The following PLXNA4 variants were observed in gnomAD, a reference collection of about 807,000 sequenced individuals.
PLXNA4 encodes plexin A4.
A neutral mutation model predicts 191.8 loss-of-function variants in PLXNA4; 44 were observed. The ratio of observed to expected loss-of-function variants is 0.23; its 90% CI spans 0.18 to 0.29. The LOEUF is 0.29. Ranked by LOEUF, PLXNA4 falls within the 10% of genes least tolerant of loss-of-function variation. The pLI, the probability that PLXNA4 is intolerant of heterozygous loss-of-function variation, is 1.00. For missense variants in PLXNA4, 1,800 were observed against 2,488.8 expected (o/e 0.72, Z 5.89); for synonymous variants, 1,082 against 1,009.5 (o/e 1.07, Z -1.36).
chr7:132,463,600 T>C (rs1796595852), intron 3 of PLXNA4, among the ~76,000 whole-genome samples: 2 of 152,196 alleles, frequency 1.3e-5, no homozygotes, highest in Admixed American at 1.3e-4. Context: ...TCCCTAATAA[T>C]AATGTGTCCC....
At chr7:132,405,458 G>A (rs1794181234) in intron 3 of PLXNA4, among the ~76,000 whole-genome samples, 1 of 152,100 alleles carries the variant, frequency 6.6e-6, no homozygotes, top group African/African-American at 2.4e-5. Context: ...CAACTTCCCT[G>A]GTCTTCAAGA....
chr7:132,176,645 T>A (rs1342249174), intron 20 of PLXNA4, among the ~76,000 whole-genome samples: 1 of 151,998 alleles, frequency 6.6e-6, no homozygotes, highest in Non-Finnish European at 1.5e-5. Flanking sequence ...AGTGAGTGTG[T>A]AGGCATGTGC....
intron 13 of PLXNA4, among the ~76,000 whole-genome samples, chr7:132,195,172 GATATATGTGTTTTTTTAAA>G (rs1797217537): frequency 1.4e-5 from 2 of 147,972 alleles, no homozygotes; most frequent in Non-Finnish European, 3.0e-5. Context: ...CGTAAGGAAA[GATATATGTGTTTTTTTAAA>G]ATAAAAGCAA....
intron 3 of PLXNA4, among the ~76,000 whole-genome samples, chr7:132,412,843 G>A (rs1794513986): frequency 6.6e-6 from 1 of 152,122 alleles, no homozygotes; most frequent in Non-Finnish European, 1.5e-5. Flanking sequence ...AGGGCCTGGA[G>A]CACCGGGGAG....
At chr7:132,226,321 G>T in intron 7 of PLXNA4, 61 bp from the exon 8 acceptor site, 1 of 1,417,572 alleles carries the variant, frequency 7.1e-7, no homozygotes, top group Middle Eastern at 2.4e-4. Context: ...GGGATTCCCT[G>T]ACCAGTGACA....
At chr7:132,146,746 CCTTAGCCCATCA>C (rs1314591629) in intron 27 of PLXNA4, 46 bp from the exon 28 acceptor site, 3 of 1,600,658 alleles carry the variant, frequency 1.9e-6, no homozygotes, top group Non-Finnish European at 1.7e-6. Context: ...GGCCACACAG[CCTTAGCCCATCA>C]CTTACCATGC....
At chr7:132,426,569 T>C (rs571946493) in intron 3 of PLXNA4, among the ~76,000 whole-genome samples, 106 of 152,276 alleles carry the variant, frequency 7.0e-4, no homozygotes, top group African/African-American at 2.4e-3. Context: ...TTTGCTCTAG[T>C]AGCAGATTTA....
chr7:132,521,799 C>G (rs1170706381), intron 1 of PLXNA4, among the ~76,000 whole-genome samples: 3 of 152,160 alleles, frequency 2.0e-5, no homozygotes, highest in African/African-American at 7.2e-5. Context: ...ACAAGCCGAC[C>G]TCTACCTCTG....
chr7:132,570,735 T>C (rs1288852249), intron 1 of PLXNA4, among the ~76,000 whole-genome samples: 1 of 152,232 alleles, frequency 6.6e-6, no homozygotes, highest in Non-Finnish European at 1.5e-5. Flanking sequence ...CTGCGGAGAC[T>C]ATCCTCTTAG....
At position 132,191,833 on chromosome 7, in the gene PLXNA4, T is replaced by TACAC. The variant is rs147734395; in HGVS notation, c.2856+2225_2856+2228dup. ...ATATCATATACTATATATATATATA[T>TACAC]ACACACACACACACACACATATATA... On this transcript the variant is annotated intron_variant, in intron 14 of 31. Transcript: ENST00000321063. Among the ~76,000 whole-genome samples, 541 of 147,190 alleles carry TACAC rather than the reference T, an allele frequency of 3.7e-3. 4 individuals are homozygous for TACAC. Among genetic ancestry groups the TACAC allele is most frequent in the Non-Finnish European group, 3.7e-3 (246 of 67,208 alleles).
At chr7:132,330,355 G>A (rs1220489876) in intron 3 of PLXNA4, among the ~76,000 whole-genome samples, 1 of 152,196 alleles carries the variant, frequency 6.6e-6, no homozygotes, top group African/African-American at 2.4e-5. Flanking sequence ...CACAGTGGCA[G>A]AGTAACCATC....
intron 25 of PLXNA4, among the ~76,000 whole-genome samples, chr7:132,154,037 G>C (rs901611722): frequency 6.6e-6 from 1 of 152,114 alleles, no homozygotes; most frequent in Non-Finnish European, 1.5e-5. Flanking sequence ...CACAGTCCAC[G>C]CAGGACCACC....
intron 6 of PLXNA4, among the ~76,000 whole-genome samples, 179 bp downstream of exon 6, chr7:132,228,167 C>A (rs1474333527): frequency 2.6e-5 from 4 of 152,168 alleles, no homozygotes; most frequent in Admixed American, 2.6e-4. Context: ...TCCCTGTCTC[C>A]TTCTTGCATC....
At chr7:132,177,771 G>T (rs3734992) in intron 20 of PLXNA4, among the ~76,000 whole-genome samples, 32,618 of 152,200 alleles carry the variant, frequency 0.21, 3,744 homozygotes, top group Middle Eastern at 0.35. Context: ...GTACATTGCG[G>T]AGAAAAAAAT....
At chr7:132,377,676 G>A (rs1804716066) in intron 3 of PLXNA4, among the ~76,000 whole-genome samples, 1 of 152,078 alleles carries the variant, frequency 6.6e-6, no homozygotes, top group South Asian at 2.1e-4. Flanking sequence ...TGATTTCCTT[G>A]TGCCCCTCAG....
At position 132,452,625 on chromosome 7, in the gene PLXNA4, T is replaced by A. The variant is rs548595478; in HGVS notation, c.1371+36667A>T. On this transcript the variant is annotated intron_variant, in intron 3 of 31. Transcript: ENST00000321063. ...TCCCAGCTCCCTGGGGGCCTGATACTCTACCCTCTCGCTTCTGTGGGGAGA... is the reference window on the plus strand; with the variant it reads ...TCCCAGCTCCCTGGGGGCCTGATACACTACCCTCTCGCTTCTGTGGGGAGA... Among the ~76,000 whole-genome samples the A allele has an allele frequency of 4.6e-5, 7 of 152,164 alleles. No homozygotes were observed. The East Asian group carries it at 1.4e-3, about 29-fold the overall frequency.
At chr7:132,536,499 C>T (rs939964101) in intron 1 of PLXNA4, among the ~76,000 whole-genome samples, 19 of 152,218 alleles carry the variant, frequency 1.2e-4, no homozygotes, top group African/African-American at 4.6e-4. Flanking sequence ...GAGAAGGAGG[C>T]TTCTGAACAA....
chr7:132,607,964 C>A (rs867848127), intron 2 of PLXNA4, among the ~76,000 whole-genome samples: 233 of 135,158 alleles, frequency 1.7e-3, no homozygotes, highest in South Asian at 2.2e-3. Flanking sequence ...ATCACCATCA[C>A]CACCATCACT....
Position 132,576,369 on chromosome 7 carries a change from T to C in PLXNA4, c.-87+53A>G. Reference sequence around the variant, plus strand: ...CGGGTCGGCCCAGGTCTGTCCGACCTTGCTGCCCTCGCCGCCCGCCCGGCC... The same window carrying C: ...CGGGTCGGCCCAGGTCTGTCCGACCCTGCTGCCCTCGCCGCCCGCCCGGCC... On this transcript the variant is annotated intron_variant, in intron 1 of 31. Coordinates refer to ENST00000321063, the MANE Select transcript of PLXNA4 (RefSeq NM_020911.2). This position sits in a 1 kb window ranked among gnomAD's most constrained non-coding sequence, Gnocchi z 5.8. 1 of 985,454 alleles carries C rather than the reference T, an allele frequency of 1.0e-6. No homozygotes were observed. The highest frequency in any genetic ancestry group is 1.2e-6 in the Non-Finnish European group (1 of 829,834). The allele number at this position is 985,454 out of a possible 1,614,324, so 61.0% of individuals were successfully genotyped here.
Sources: gnomAD v4.1 joint callset for allele counts (sites outside exome capture counted in the v4.1 genomes callset) on GRCh38, gnomAD v4.1.1 for gene constraint, Gnocchi (gnomAD v3.1) non-coding constraint, MANE v1.5 for transcripts, NCBI Gene and HGNC (gene_info 2026-07-23, HGNC 2026-07-21) for gene names.